Variants in DIS3L2 observed in about 807,000 individuals in gnomAD.
DIS3L2 encodes DIS3-like exonuclease 2.
A neutral mutation model predicts 97.5 loss-of-function variants in DIS3L2; 34 were observed. The ratio of observed to expected loss-of-function variants is 0.35; its 90% confidence interval spans 0.27 to 0.46. DIS3L2 has a LOEUF of 0.46. DIS3L2 is among the 20% of genes least tolerant of loss of function. The pLI is 1.00. For synonymous variants in DIS3L2, 435 were observed against 445.2 expected (o/e 0.98, Z 0.29); for missense variants, 1,038 against 1,146.0 (o/e 0.91, Z 1.36).
At chr2:232,130,805 T>C in intron 7 of DIS3L2, 86 bp downstream of exon 7, 1 of 1,485,090 alleles carries the variant, frequency 6.7e-7, no homozygotes, top group Non-Finnish European at 9.0e-7. Flanking sequence ...CAGTCAGGAC[T>C]GTATTTGGTC....
chr2:232,203,341 C>T (rs968538520), intron 9 of DIS3L2, among the ~76,000 whole-genome samples: 2 of 152,108 alleles, frequency 1.3e-5, no homozygotes, highest in Non-Finnish European at 2.9e-5. Flanking sequence ...TGGAAGTGGT[C>T]CCTGAACCAC....
At chr2:232,024,358 T>G in intron 4 of DIS3L2, 28 bp downstream of exon 4, 1 of 1,528,904 alleles carries the variant, frequency 6.5e-7, no homozygotes, top group Non-Finnish European at 9.0e-7. Context: ...ATAATAAACT[T>G]TATGTCACAT....
chr2:232,329,897 C>A lies in DIS3L2; in HGVS notation c.1824C>A (p.Arg608=). 1 of 1,612,400 alleles carries A rather than the reference C, an allele frequency of 6.2e-7. No individual in the cohort carries two copies. The highest frequency in any genetic ancestry group is 8.5e-7 in the Non-Finnish European group (1 of 1,179,540). Residue 608 remains arginine, a synonymous_variant, in exon 15 of 21, where the codon CGC becomes CGA. Transcript: ENST00000325385. Reference sequence around the variant, plus strand: ...CCTTCCCCGAGCAGGCCCTGCTGCGCCGGCACCCCCCGCCCCAAACAAGGA... The same window carrying A: ...CCTTCCCCGAGCAGGCCCTGCTGCGACGGCACCCCCCGCCCCAAACAAGGA... ...HRAFPEQALL[R]RHPPPQTRML...
chr2:232,208,150 A>G (rs1692082341), intron 9 of DIS3L2, among the ~76,000 whole-genome samples: 1 of 152,192 alleles, frequency 6.6e-6, no homozygotes, highest in Non-Finnish European at 1.5e-5. Flanking sequence ...TAAGACATGC[A>G]TAGATTTAGT....
At chr2:232,144,300 A>G (rs981646479) in intron 8 of DIS3L2, among the ~76,000 whole-genome samples, 4 of 152,098 alleles carry the variant, frequency 2.6e-5, no homozygotes, top group African/African-American at 9.7e-5. Context: ...CCATTGCTCC[A>G]CATTCTTATT....
intron 9 of DIS3L2, among the ~76,000 whole-genome samples, chr2:232,197,172 C>G (rs975127418): frequency 2.0e-5 from 3 of 152,090 alleles, no homozygotes; most frequent in Non-Finnish European, 4.4e-5. Context: ...ATAGTAAATT[C>G]CTTGACTTTG....
chr2:232,004,319 C>T (rs575389185), intron 1 of DIS3L2, among the ~76,000 whole-genome samples: 5 of 152,204 alleles, frequency 3.3e-5, no homozygotes, highest in African/African-American at 1.2e-4. Context: ...GTCATCGACC[C>T]GCCTTGACCC....
chr2:232,177,216 T>A (rs2106180958), intron 9 of DIS3L2, among the ~76,000 whole-genome samples: 1 of 143,078 alleles, frequency 7.0e-6, no homozygotes, highest in South Asian at 2.3e-4. Context: ...TGTTGGACAT[T>A]TGGGTTGGTT....
chr2:232,263,494 A>C, intron 13 of DIS3L2, 54 bp downstream of exon 13: 1 of 1,545,668 alleles, frequency 6.5e-7, no homozygotes, highest in Non-Finnish European at 8.9e-7. Flanking sequence ...GCCTGAACCC[A>C]GCGTGGATGA....
chr2:232,323,939 G>A lies in DIS3L2; in HGVS notation c.1740-5874G>A, dbSNP rs539401423. Among the ~76,000 whole-genome samples, 158 of 151,912 alleles carry A rather than the reference G, an allele frequency of 1.0e-3. 1 individual carries two copies. The highest frequency in any genetic ancestry group is 3.6e-3 in the African/African-American group (149 of 41,414). On this transcript the variant is annotated intron_variant, in intron 14 of 20. Transcript: ENST00000325385. ...AGCTCCCAGGCACCCAGCCCCACCC[G>A]GCCTGGCCTGGAACAGAGCTGCCAC... is the stretch of plus-strand genomic sequence containing the variant.
At chr2:232,332,519 A>G (rs1383591644) in intron 16 of DIS3L2, among the ~76,000 whole-genome samples, 1 of 151,254 alleles carries the variant, frequency 6.6e-6, no homozygotes, top group Non-Finnish European at 1.5e-5. Flanking sequence ...AGGCAGTAGC[A>G]CTGGCCCTGA....
In DIS3L2 at chr2:232,087,498, A is replaced by G. The variant is rs2106309232; in HGVS notation, c.378A>G (p.Pro126=). The G allele has an allele frequency of 6.2e-7, 1 of 1,612,590 alleles. No homozygotes were observed. The highest frequency in any genetic ancestry group is 8.5e-7 in the Non-Finnish European group (1 of 1,179,170). ...LPEEHWKVVK[P]ESNDKETEAA... is the part of the protein sequence containing the mutation. ...TCTGTTTTCTTTAGGTAGTTAAACC[A>G]GAGAGCAATGACAAAGAAACAGAAG... Residue 126 remains proline, a synonymous_variant, in exon 6 of 21, where the codon CCA becomes CCG. Coordinates refer to ENST00000325385, the MANE Select transcript of DIS3L2 (RefSeq NM_152383.5).
At chr2:231,976,204 C>G (rs1284291900) in intron 1 of DIS3L2, among the ~76,000 whole-genome samples, 1 of 151,808 alleles carries the variant, frequency 6.6e-6, no homozygotes, top group Admixed American at 6.6e-5. Flanking sequence ...CATTACAACT[C>G]TTTTCTATTT....
At chr2:232,071,740 A>G (rs986714278) in intron 5 of DIS3L2, among the ~76,000 whole-genome samples, 1 of 152,086 alleles carries the variant, frequency 6.6e-6, no homozygotes, top group Non-Finnish European at 1.5e-5. Flanking sequence ...AGGTCTCACT[A>G]TGTTGCCCAG....
intron 5 of DIS3L2, among the ~76,000 whole-genome samples, chr2:232,082,952 C>T (rs1351096922): frequency 1.3e-5 from 2 of 152,176 alleles, no homozygotes; most frequent in Admixed American, 6.5e-5. Flanking sequence ...GTGAAAGGCA[C>T]ATTTCACATG....
At chr2:232,326,371 G>A (rs1320067962) in intron 14 of DIS3L2, among the ~76,000 whole-genome samples, 2 of 150,968 alleles carry the variant, frequency 1.3e-5, no homozygotes, top group Non-Finnish European at 1.5e-5. Flanking sequence ...TACTGAACTC[G>A]GTGCAACTCT....
intron 1 of DIS3L2, among the ~76,000 whole-genome samples, chr2:231,990,421 T>G (rs1333815955): frequency 6.6e-6 from 1 of 152,206 alleles, no homozygotes; most frequent in Non-Finnish European, 1.5e-5. Context: ...AAATGCCAGT[T>G]TGATACGAAA....
chr2:232,328,639 C>G (rs542013179), intron 14 of DIS3L2: 2 of 152,368 alleles, frequency 1.3e-5, no homozygotes, highest in South Asian at 4.1e-4. Flanking sequence ...TCCCTGATCT[C>G]TCTCACTCAA....
At chr2:232,084,223 G>T (rs887634444) in intron 5 of DIS3L2, among the ~76,000 whole-genome samples, 1 of 152,182 alleles carries the variant, frequency 6.6e-6, no homozygotes, top group Non-Finnish European at 1.5e-5. Context: ...AAGCAGAAGT[G>T]CAGATGGGGG....
Sources: allele counts gnomAD v4.1 joint callset (sites outside exome capture counted in the v4.1 genomes callset), GRCh38; gene constraint gnomAD v4.1.1; transcripts MANE v1.5; gene names NCBI Gene and HGNC (gene_info 2026-07-23, HGNC 2026-07-21).